Variants in ERBB4 observed in about 807,000 individuals in gnomAD.
ERBB4 encodes the protein receptor tyrosine-protein kinase erbB-4.
ERBB4 carries 42 observed loss-of-function variants against 158.0 expected under a neutral mutation model. The observed-to-expected ratio is 0.27, with a 90% CI of 0.21 to 0.34. The LOEUF (loss-of-function observed/expected upper bound fraction) is 0.34. Among genes scored for constraint, ERBB4 ranks in the 10% least tolerant of loss-of-function variants. ERBB4 has a pLI of 1.00. For missense variants in ERBB4, 1,333 were observed against 1,624.1 expected, an observed-to-expected ratio of 0.82 and a Z score of 3.08; for synonymous variants, 583 against 558.7, an observed-to-expected ratio of 1.04 and a Z score of -0.61.
intron 2 of ERBB4, among the ~76,000 whole-genome samples, chr2:212,002,006 C>T (rs565264123): frequency 1.4e-4 from 21 of 152,100 alleles, no homozygotes; most frequent in African/African-American, 3.9e-4. Flanking sequence ...TTTATGTATC[C>T]GTTTTTAAAT....
chr2:211,388,965 C>T (rs930202864), intron 25 of ERBB4, among the ~76,000 whole-genome samples: 1 of 152,184 alleles, frequency 6.6e-6, no homozygotes, highest in Non-Finnish European at 1.5e-5. Flanking sequence ...AGCTTATATT[C>T]TCTGCGATCC....
At chr2:211,527,686 TAAC>T (rs2066386031) in intron 20 of ERBB4, among the ~76,000 whole-genome samples, 3 of 151,862 alleles carry the variant, frequency 2.0e-5, no homozygotes, top group Admixed American at 2.0e-4. Flanking sequence ...TAAATAGAAA[TAAC>T]AAAATGTTAA....
intron 1 of ERBB4, among the ~76,000 whole-genome samples, chr2:212,387,466 C>T (rs79539083): frequency 1.3e-3 from 191 of 146,156 alleles, no homozygotes; most frequent in Middle Eastern, 7.2e-3. Flanking sequence ...TTTTTTTTTT[C>T]TTTTTTTGAG....
chr2:211,574,569 A>G (rs2067836165), intron 19 of ERBB4, among the ~76,000 whole-genome samples: 1 of 152,194 alleles, frequency 6.6e-6, no homozygotes, highest in African/African-American at 2.4e-5. Flanking sequence ...GTGTCTGCAA[A>G]CAGCATTTCA....
intron 25 of ERBB4, among the ~76,000 whole-genome samples, chr2:211,411,834 T>C (rs1293458103): frequency 2.0e-5 from 3 of 152,126 alleles, no homozygotes; most frequent in African/African-American, 7.2e-5. Context: ...GTACTCTAAA[T>C]AGATGAAGGC....
chr2:211,963,887 C>T (rs1179485849), intron 2 of ERBB4, among the ~76,000 whole-genome samples: 1 of 152,100 alleles, frequency 6.6e-6, no homozygotes, highest in Non-Finnish European at 1.5e-5. Context: ...TTATAGTCTC[C>T]AACCTGTACC....
At chr2:211,413,773 C>T (rs1311740633) in intron 25 of ERBB4, among the ~76,000 whole-genome samples, 1 of 151,884 alleles carries the variant, frequency 6.6e-6, no homozygotes, top group East Asian at 1.9e-4. Flanking sequence ...GTTTGACGAC[C>T]ATGAAGAATT....
chr2:211,386,918 C>T lies in ERBB4; in HGVS notation c.3416G>A (p.Arg1139Gln), dbSNP rs377737065. 3.0e-5 allele frequency: 48 copies of T among 1,614,040 alleles called. No homozygotes were observed. Among genetic ancestry groups the T allele is most frequent in the Non-Finnish European group, 3.2e-5 (38 of 1,180,036 alleles). Residue 1139 changes from arginine (R) to glutamine (Q), a missense_variant, in exon 27 of 28, where the codon CGG becomes CAG. Physicochemically the swap from Arg to Gln is conservative, Grantham distance 43. Transcript: ENST00000342788. ...SADPTVFAPE[R>Q]SPRGELDEEG... ...CTCATCCAGCTCTCCTCGTGGGCTC[C>T]GTTCTGGGGCAAACACGGTGGGGTC...
At chr2:212,440,176 T>C (rs188426948) in intron 1 of ERBB4, among the ~76,000 whole-genome samples, 1 of 152,356 alleles carries the variant, frequency 6.6e-6, no homozygotes, top group South Asian at 2.1e-4. Context: ...TATAAAGTAT[T>C]GATCCTGGGT....
intron 2 of ERBB4, among the ~76,000 whole-genome samples, chr2:212,115,944 T>C (rs1405601133): frequency 6.6e-6 from 1 of 152,160 alleles, no homozygotes; most frequent in Non-Finnish European, 1.5e-5. Context: ...TAAATTAATT[T>C]TTAATTTAAA....
At chr2:212,096,842 C>A (rs1038817330) in intron 2 of ERBB4, among the ~76,000 whole-genome samples, 3 of 152,114 alleles carry the variant, frequency 2.0e-5, no homozygotes, top group Non-Finnish European at 2.9e-5. Context: ...CAGCTGGAAT[C>A]TTGAGTGCTC....
intron 17 of ERBB4, among the ~76,000 whole-genome samples, chr2:211,629,742 G>A (rs1034915378): frequency 4.6e-5 from 7 of 151,796 alleles, no homozygotes; most frequent in African/African-American, 9.7e-5. Flanking sequence ...AAATAATGCC[G>A]CCTATCTACA....
chr2:212,054,965 G>A (rs1174804477), intron 2 of ERBB4, among the ~76,000 whole-genome samples: 1 of 152,100 alleles, frequency 6.6e-6, no homozygotes. Flanking sequence ...AGGACAGTGG[G>A]TGCAGCCCAC....
intron 15 of ERBB4, among the ~76,000 whole-genome samples, chr2:211,658,490 T>C (rs2071303164): frequency 6.6e-6 from 1 of 152,210 alleles, no homozygotes; most frequent in African/African-American, 2.4e-5. Context: ...CATGCTTTAA[T>C]GCTATTCTCA....
chr2:211,657,485 G>A (rs2071260754), intron 16 of ERBB4: 3 of 406,586 alleles, frequency 7.4e-6, no homozygotes, highest in Non-Finnish European at 1.4e-5. Flanking sequence ...CTCCAGCCTG[G>A]GCAACAGAGT....
At chr2:212,072,980 G>A (rs1424894586) in intron 2 of ERBB4, among the ~76,000 whole-genome samples, 2 of 151,960 alleles carry the variant, frequency 1.3e-5, no homozygotes, top group Middle Eastern at 3.2e-3. Context: ...TGAGGCTTGA[G>A]AAAAGCTTGC....
intron 13 of ERBB4, among the ~76,000 whole-genome samples, chr2:211,675,792 T>TTATATATATATATATATA (rs34492305): frequency 3.4e-4 from 32 of 93,586 alleles, no homozygotes; most frequent in South Asian, 2.7e-3. Flanking sequence ...AAATATAATA[T>TTATATATATATATATATA]TATATATATA....
chr2:211,895,003 G>T (rs185681629), intron 3 of ERBB4, among the ~76,000 whole-genome samples: 1 of 152,180 alleles, frequency 6.6e-6, no homozygotes, highest in Admixed American at 6.5e-5. Context: ...AATTTTGAAA[G>T]GCATAAGGAA....
intron 3 of ERBB4, among the ~76,000 whole-genome samples, chr2:211,802,260 A>G (rs2076516199): frequency 2.4e-5 from 2 of 82,966 alleles, no homozygotes; most frequent in Admixed American, 2.3e-4. Context: ...CTCAGTCTCC[A>G]ACAAAAAAAA....
Sources: gnomAD v4.1 joint callset for allele counts (sites outside exome capture counted in the v4.1 genomes callset) on GRCh38, gnomAD v4.1.1 for gene constraint, MANE v1.5 for transcripts, NCBI Gene and HGNC (gene_info 2026-07-23, HGNC 2026-07-21) for gene names.